RARB: variants seen among roughly 807,000 people sequenced by gnomAD.
RARB encodes retinoic acid receptor beta, also known as HBV-activated protein.
A neutral mutation model predicts 51.9 loss-of-function variants in RARB; 17 were observed. The ratio of observed to expected loss-of-function variants is 0.33; its 90% CI spans 0.22 to 0.49. RARB has a LOEUF of 0.49. Ranked by LOEUF, RARB falls within the 20% of genes least tolerant of loss-of-function variation. The pLI, the probability that RARB is intolerant of heterozygous loss-of-function variation, is 0.99. For synonymous variants in RARB, 215 were observed against 195.4 expected (o/e 1.10, Z -0.84); for missense variants, 369 against 550.8 (o/e 0.67, Z 3.30).
At chr3:25,040,350 G>T (rs559856506) in intron 2 of RARB, among the ~76,000 whole-genome samples, 1 of 152,296 alleles carries the variant, frequency 6.6e-6, no homozygotes, top group East Asian at 1.9e-4. Context: ...AATATTCATA[G>T]GTGGTTCATA....
At chr3:25,383,336 G>T (rs952319615) in intron 5 of RARB, among the ~76,000 whole-genome samples, 1 of 152,170 alleles carries the variant, frequency 6.6e-6, no homozygotes, top group Admixed American at 6.5e-5. Context: ...GTTCTTCATC[G>T]TGGAAAGAGC....
chr3:25,352,813 A>G (rs1001261163), intron 5 of RARB, among the ~76,000 whole-genome samples: 2 of 152,198 alleles, frequency 1.3e-5, no homozygotes, highest in African/African-American at 2.4e-5. Flanking sequence ...AGCTGTGTGT[A>G]TAGTGGGAAG....
chr3:24,992,701 C>G (rs1187860258), intron 2 of RARB, among the ~76,000 whole-genome samples: 1 of 152,186 alleles, frequency 6.6e-6, no homozygotes, highest in East Asian at 1.9e-4. Context: ...CCCCCCGTGT[C>G]TTCCCGTTTC....
intron 2 of RARB, chr3:25,060,078 T>A (rs965495889): frequency 1.3e-5 from 2 of 151,790 alleles, no homozygotes; most frequent in African/African-American, 4.8e-5. Context: ...AATGTTAAAA[T>A]TGAACAGGAT....
intron 5 of RARB, among the ~76,000 whole-genome samples, chr3:25,348,341 C>T: frequency 6.6e-6 from 1 of 151,720 alleles, no homozygotes; most frequent in Non-Finnish European, 1.5e-5. Flanking sequence ...TTGGTACTCA[C>T]TAAAATATTT....
chr3:25,569,226 G>A (rs1472446465), intron 3 of RARB, among the ~76,000 whole-genome samples: 1 of 152,216 alleles, frequency 6.6e-6, no homozygotes, highest in South Asian at 2.1e-4. Flanking sequence ...AGAAAAACAC[G>A]AAGGGACAAA....
intron 2 of RARB, among the ~76,000 whole-genome samples, chr3:25,007,175 G>C (rs1052666863): frequency 1.3e-5 from 2 of 152,148 alleles, no homozygotes; most frequent in African/African-American, 2.4e-5. Flanking sequence ...AAAGAAAAAG[G>C]CCAGGGAGCC....
intron 5 of RARB, among the ~76,000 whole-genome samples, chr3:25,211,121 A>C (rs1701685883): frequency 6.6e-6 from 1 of 152,234 alleles, no homozygotes; most frequent in South Asian, 2.1e-4. Context: ...ATTAACTTTT[A>C]TTCATCAGAT....
intron 5 of RARB, among the ~76,000 whole-genome samples, chr3:25,205,772 T>C (rs954558362): frequency 2.0e-5 from 3 of 151,916 alleles, no homozygotes; most frequent in African/African-American, 7.3e-5. Flanking sequence ...AGACGGGGTC[T>C]CACTCTGTTG....
intron 2 of RARB, among the ~76,000 whole-genome samples, chr3:25,016,139 T>C (rs1460723608): frequency 6.6e-6 from 1 of 152,190 alleles, no homozygotes; most frequent in Non-Finnish European, 1.5e-5. Context: ...TACCTGCCTG[T>C]CGCTTGTAAC....
chr3:24,917,700 T>C (rs1426684424), intron 2 of RARB, among the ~76,000 whole-genome samples: 1 of 152,192 alleles, frequency 6.6e-6, no homozygotes, highest in Non-Finnish European at 1.5e-5. Context: ...CTAATTTCTC[T>C]ATTTTTACTA....
At chr3:25,055,376 G>A (rs1698414991) in intron 2 of RARB, among the ~76,000 whole-genome samples, 1 of 152,116 alleles carries the variant, frequency 6.6e-6, no homozygotes, top group Non-Finnish European at 1.5e-5. Context: ...TAATTCTGCT[G>A]TCAACAACAA....
chr3:24,884,973 A>AG (rs1703241131), intron 2 of RARB, among the ~76,000 whole-genome samples: 2 of 152,198 alleles, frequency 1.3e-5, no homozygotes, highest in Admixed American at 1.3e-4. Flanking sequence ...TATTCAAAAA[A>AG]GAAAAGGCAG....
chr3:25,020,440 A>C (rs1195785827), intron 2 of RARB: 2 of 152,100 alleles, frequency 1.3e-5, no homozygotes, highest in African/African-American at 4.8e-5. Flanking sequence ...AGCAGCTGTG[A>C]CTACAGGTGC....
chr3:25,568,010 A>G (rs1324766636), intron 3 of RARB, among the ~76,000 whole-genome samples: 3 of 151,890 alleles, frequency 2.0e-5, no homozygotes, highest in Non-Finnish European at 4.4e-5. Flanking sequence ...GCTTTGAACC[A>G]TGATACCCAC....
At chr3:25,251,276 G>A (rs959899004) in intron 5 of RARB, among the ~76,000 whole-genome samples, 3 of 151,740 alleles carry the variant, frequency 2.0e-5, no homozygotes, top group African/African-American at 7.3e-5. Context: ...TTTACAAGAT[G>A]GGCATTTGGA....
intron 2 of RARB, chr3:25,060,019 AT>A (rs1698517627): frequency 6.6e-6 from 1 of 151,776 alleles, no homozygotes; most frequent in African/African-American, 2.4e-5. Context: ...TAAAATAGTT[AT>A]CAAAATTATA....
intron 2 of RARB, among the ~76,000 whole-genome samples, chr3:24,898,452 T>C (rs1293630190): frequency 6.6e-6 from 1 of 151,952 alleles, no homozygotes; most frequent in Non-Finnish European, 1.5e-5. Flanking sequence ...ACAATAACTT[T>C]AATATTTGTT....
intron 2 of RARB, among the ~76,000 whole-genome samples, chr3:24,919,257 C>A (rs1298919001): frequency 6.6e-6 from 1 of 152,164 alleles, no homozygotes; most frequent in African/African-American, 2.4e-5. Flanking sequence ...TATGACTGTA[C>A]TTGTTTCCAA....
Sources: gnomAD v4.1 joint callset for allele counts (sites outside exome capture counted in the v4.1 genomes callset) on GRCh38, gnomAD v4.1.1 for gene constraint, MANE v1.5 for transcripts, NCBI Gene and HGNC (gene_info 2026-07-23, HGNC 2026-07-21) for gene names.